The following LRBA variants were observed in gnomAD, a reference collection of about 807,000 sequenced individuals.
The protein encoded by LRBA is lipopolysaccharide-responsive and beige-like anchor protein.
LRBA carries 176 observed loss-of-function variants against 330.0 expected under a neutral mutation model. The observed-to-expected ratio is 0.53, with a 90% CI of 0.47 to 0.60. LRBA has a LOEUF of 0.60. Among genes scored for constraint, LRBA ranks in the 20% least tolerant of loss-of-function variants. The probability of loss-of-function intolerance (pLI) is 0.00; values close to 1 mark genes in which losing one functional copy is unlikely to be tolerated. For synonymous variants in LRBA, 1,230 were observed against 1,193.0 expected (o/e 1.03, Z -0.64); for missense variants, 3,259 against 3,444.8 (o/e 0.95, Z 1.35).
At chr4:150,545,933 T>C (rs1376799265) in intron 40 of LRBA, among the ~76,000 whole-genome samples, 1 of 152,142 alleles carries the variant, frequency 6.6e-6, no homozygotes. Flanking sequence ...AAAAAGTTTT[T>C]TTTTTTCTTT....
chr4:150,636,415 C>A (rs1481408446), intron 37 of LRBA, among the ~76,000 whole-genome samples: 1 of 152,060 alleles, frequency 6.6e-6, no homozygotes, highest in African/African-American at 2.4e-5. Context: ...CAAGCTGATT[C>A]TTTTTCCTTC....
intron 2 of LRBA, among the ~76,000 whole-genome samples, chr4:150,997,513 G>A (rs959444568): frequency 6.6e-5 from 10 of 152,010 alleles, no homozygotes; most frequent in Admixed American, 1.3e-4. Context: ...CAGGTTACTT[G>A]TATTCAATCT....
chr4:150,957,409 C>T lies in LRBA; in HGVS notation c.217-28344G>A, dbSNP rs76869548. ...CTTATTCACTATCAAGAGAACAGCA[C>T]GGAAAGACCTGCCCCCATGATTCAA... On this transcript the variant is annotated intron_variant, in intron 2 of 56. Transcript: ENST00000651943. Among the ~76,000 whole-genome samples, 5 of 148,444 alleles carry T rather than the reference C, an allele frequency of 3.4e-5. 1 individual carries two copies. Among genetic ancestry groups the T allele is most frequent in the African/African-American group, 5.3e-5 (2 of 37,936 alleles).
chr4:150,790,298 C>A (rs2126638257), intron 34 of LRBA, among the ~76,000 whole-genome samples: 1 of 152,242 alleles, frequency 6.6e-6, no homozygotes, highest in South Asian at 2.1e-4. Flanking sequence ...TCCTAGTGTG[C>A]TGGTGAATCC....
intron 47 of LRBA, among the ~76,000 whole-genome samples, chr4:150,376,806 T>C (rs1741406642): frequency 6.6e-6 from 1 of 152,226 alleles, no homozygotes. Flanking sequence ...GTTTTGTTTT[T>C]TCTTTTCTTA....
At chr4:150,371,543 T>C (rs1018247489) in intron 47 of LRBA, among the ~76,000 whole-genome samples, 9 of 152,122 alleles carry the variant, frequency 5.9e-5, no homozygotes, top group Non-Finnish European at 1.0e-4. Context: ...CAGGGTACTC[T>C]GGCTGTGTCC....
chr4:150,888,985 G>T (rs570523444), intron 17 of LRBA, among the ~76,000 whole-genome samples: 1 of 152,286 alleles, frequency 6.6e-6, no homozygotes, highest in South Asian at 2.1e-4. Context: ...AATTATGGAG[G>T]CTTGGTATGT....
chr4:150,927,703 G>T (rs1290098237), intron 4 of LRBA, among the ~76,000 whole-genome samples: 2 of 152,126 alleles, frequency 1.3e-5, no homozygotes, highest in East Asian at 3.9e-4. Flanking sequence ...AAAACTCTAA[G>T]AAGATAAACA....
chr4:150,362,621 A>G (rs1236505462), intron 47 of LRBA, among the ~76,000 whole-genome samples: 1 of 152,162 alleles, frequency 6.6e-6, no homozygotes, highest in Non-Finnish European at 1.5e-5. Context: ...TTATAACAAG[A>G]TCTCAGGTGA....
At chr4:151,012,793 A>G (rs1463751413) in intron 2 of LRBA, 3 of 151,656 alleles carry the variant, frequency 2.0e-5, no homozygotes, top group Non-Finnish European at 2.9e-5. Flanking sequence ...TCATTCTTCA[A>G]AAGTAAGTGA....
chr4:150,677,885 C>G (rs1012756249), intron 37 of LRBA, among the ~76,000 whole-genome samples: 6 of 151,606 alleles, frequency 4.0e-5, no homozygotes, highest in Non-Finnish European at 8.8e-5. Context: ...CAGTATCAGG[C>G]CTGTAATTAG....
At chr4:150,398,832 T>G (rs1412090049) in intron 47 of LRBA, among the ~76,000 whole-genome samples, 1 of 152,110 alleles carries the variant, frequency 6.6e-6, no homozygotes, top group Non-Finnish European at 1.5e-5. Flanking sequence ...CTTGCTGTGT[T>G]GTTCAGGCTG....
chr4:150,618,494 G>A (rs1174732932), intron 37 of LRBA, among the ~76,000 whole-genome samples: 1 of 152,090 alleles, frequency 6.6e-6, no homozygotes, highest in South Asian at 2.1e-4. Context: ...TAAGTTATTT[G>A]AGTTGTAGCT....
chr4:150,777,435 A>T (rs1327483969), intron 34 of LRBA, among the ~76,000 whole-genome samples: 1 of 152,154 alleles, frequency 6.6e-6, no homozygotes, highest in Non-Finnish European at 1.5e-5. Flanking sequence ...CATTTTCCTT[A>T]TTATAAAAAT....
At chr4:150,730,820 C>A (rs1022760130) in intron 36 of LRBA, among the ~76,000 whole-genome samples, 3 of 151,806 alleles carry the variant, frequency 2.0e-5, no homozygotes, top group African/African-American at 7.3e-5. Flanking sequence ...GAGTTCAAGA[C>A]CAGCCTGACC....
At chr4:150,584,252 T>A (rs1180434233) in intron 40 of LRBA, 1 of 931,624 alleles carries the variant, frequency 1.1e-6, no homozygotes, top group Non-Finnish European at 1.5e-6. Context: ...CTTCATTAAT[T>A]AAGAAGCAAA....
chr4:150,518,089 C>A (rs1235921796), intron 40 of LRBA, among the ~76,000 whole-genome samples: 1 of 152,156 alleles, frequency 6.6e-6, no homozygotes, highest in African/African-American at 2.4e-5. Context: ...GAACTTTCAC[C>A]ATTTCACTTC....
At chr4:150,300,622 A>G (rs1729549349) in intron 53 of LRBA, among the ~76,000 whole-genome samples, 1 of 151,898 alleles carries the variant, frequency 6.6e-6, no homozygotes, top group African/African-American at 2.4e-5. Flanking sequence ...TTTTTTTACT[A>G]CAAACCCCAG....
chr4:150,839,743 G>A (rs62344565), intron 28 of LRBA, among the ~76,000 whole-genome samples: 18,513 of 152,142 alleles, frequency 0.12, 2,301 homozygotes, highest in African/African-American at 0.33. Flanking sequence ...GTCATGGGGC[G>A]GGGTTAGGGG....
Sources: gnomAD v4.1 joint callset for allele counts (sites outside exome capture counted in the v4.1 genomes callset) on GRCh38, gnomAD v4.1.1 for gene constraint, MANE v1.5 for transcripts, NCBI Gene and HGNC (gene_info 2026-07-23, HGNC 2026-07-21) for gene names.